OCA2: variants seen among roughly 807,000 people sequenced by gnomAD.
OCA2 encodes P protein.
Under a neutral mutation model 100.2 loss-of-function variants are expected in OCA2, and 77 were observed. That is an observed-to-expected ratio of 0.77 (90% CI 0.64 to 0.93). The LOEUF is 0.93. Among genes scored for constraint, OCA2 ranks in the 40% least tolerant of loss-of-function variants. The pLI, the probability that OCA2 is intolerant of heterozygous loss-of-function variation, is 0.00. For synonymous variants in OCA2, 432 were observed against 439.2 expected, an observed-to-expected ratio of 0.98 and a Z score of 0.21; for missense variants, 1,062 against 1,089.1, an observed-to-expected ratio of 0.98 and a Z score of 0.35.
At chr15:28,018,232 AAG>A (rs2042464104) in intron 7 of OCA2, among the ~76,000 whole-genome samples, 163 bp downstream of exon 7, 1 of 152,240 alleles carries the variant, frequency 6.6e-6, no homozygotes, top group Admixed American at 6.5e-5. Context: ...AAATGGTAAA[AAG>A]AGAATTTCAA....
intron 19 of OCA2, among the ~76,000 whole-genome samples, chr15:27,909,590 G>A (rs2038307536): frequency 1.3e-5 from 2 of 152,166 alleles, no homozygotes; most frequent in African/African-American, 4.8e-5. Context: ...TCAGAAATAG[G>A]ACCAAGGACA....
intron 23 of OCA2, among the ~76,000 whole-genome samples, chr15:27,807,910 C>T (rs959630982): frequency 6.6e-6 from 1 of 152,206 alleles, no homozygotes; most frequent in Non-Finnish European, 1.5e-5. Flanking sequence ...GTCAGCTCCA[C>T]GAGGGCAGGG....
chr15:27,963,833 G>A (rs2040481235), intron 15 of OCA2, among the ~76,000 whole-genome samples: 1 of 151,930 alleles, frequency 6.6e-6, no homozygotes, highest in African/African-American at 2.4e-5. Flanking sequence ...GGTTCTTTGA[G>A]ATCAATAAAA....
chr15:27,920,858 A>G (rs2038831372), intron 19 of OCA2, among the ~76,000 whole-genome samples: 1 of 152,102 alleles, frequency 6.6e-6, no homozygotes, highest in Non-Finnish European at 1.5e-5. Flanking sequence ...ATTAAAATAG[A>G]TCAATAGAAA....
intron 23 of OCA2, among the ~76,000 whole-genome samples, chr15:27,794,254 T>G (rs1306000771): frequency 1.3e-5 from 2 of 152,084 alleles, no homozygotes; most frequent in African/African-American, 4.8e-5. Flanking sequence ...ACAGGGGCCC[T>G]GGTGTGGGTC....
At chr15:27,860,880 G>A (rs2036105469) in intron 21 of OCA2, among the ~76,000 whole-genome samples, 1 of 152,226 alleles carries the variant, frequency 6.6e-6, no homozygotes, top group Non-Finnish European at 1.5e-5. Flanking sequence ...TCAGCAGAGA[G>A]AAGAGCAGTA....
At chr15:27,793,978 TG>T (rs1481112076) in intron 23 of OCA2, among the ~76,000 whole-genome samples, 1 of 152,190 alleles carries the variant, frequency 6.6e-6, no homozygotes, top group Non-Finnish European at 1.5e-5. Flanking sequence ...TTGGTGGGAC[TG>T]TGTGTCACTG....
At chr15:27,880,996 TG>T (rs1429595986) in intron 19 of OCA2, among the ~76,000 whole-genome samples, 4 of 152,228 alleles carry the variant, frequency 2.6e-5, no homozygotes, top group African/African-American at 9.6e-5. Context: ...GCTGTGGGTT[TG>T]TCATAAATGA....
At chr15:27,785,713 C>A (rs141415591) in intron 23 of OCA2, among the ~76,000 whole-genome samples, 1 of 152,258 alleles carries the variant, frequency 6.6e-6, no homozygotes, top group African/African-American at 2.4e-5. Flanking sequence ...CAGGAAATCC[C>A]ATATGTTCCC....
intron 14 of OCA2, among the ~76,000 whole-genome samples, chr15:27,971,571 T>C (rs2040793538): frequency 6.6e-6 from 1 of 152,172 alleles, no homozygotes. Context: ...TGGTGGGTCC[T>C]GGAGGTCCTC....
chr15:27,918,479 G>C (rs2038747998), intron 19 of OCA2, among the ~76,000 whole-genome samples: 3 of 152,306 alleles, frequency 2.0e-5, no homozygotes, highest in African/African-American at 7.2e-5. Context: ...GCATCCCGTA[G>C]TTGTAGTCAG....
At chr15:27,908,321 A>C (rs1349835698) in intron 19 of OCA2, among the ~76,000 whole-genome samples, 1 of 152,202 alleles carries the variant, frequency 6.6e-6, no homozygotes, top group Non-Finnish European at 1.5e-5. Flanking sequence ...ATCTTTGTCA[A>C]ATTTCAACAC....
chr15:27,951,843 C>G lies in OCA2; in HGVS notation c.1892G>C (p.Gly631Ala), dbSNP rs946624305. 7.4e-6 allele frequency: 12 copies of G among 1,613,950 alleles called. No homozygotes were observed. The highest frequency in any genetic ancestry group is 1.0e-5 in the Non-Finnish European group (12 of 1,179,956). ...GAGGAAAAACATGAAGATAACAAAT[C>G]CCAACACTGTCAGGCATTTGGCGAG... is the stretch of plus-strand genomic sequence containing the variant. ...ILLAKCLTVLGFVIFMFFLNS... is the reference protein window; with the variant it reads ...ILLAKCLTVLAFVIFMFFLNS... The change falls in exon 18 of 24, where the codon GGA (glycine) becomes GCA (alanine). Residue 631 changes from glycine (G) to alanine (A), a missense_variant. By Grantham distance (60) the Gly-to-Ala change is moderately conservative (BLOSUM62 0). Transcript: ENST00000354638.
At chr15:27,766,320 T>C (rs527666603) in intron 23 of OCA2, among the ~76,000 whole-genome samples, 1 of 152,332 alleles carries the variant, frequency 6.6e-6, no homozygotes, top group Non-Finnish European at 1.5e-5. Context: ...GTTCTACTCA[T>C]GGCACTGAAG....
chr15:27,983,647 AC>A (rs2041245847), intron 13 of OCA2, among the ~76,000 whole-genome samples, 164 bp from the exon 14 acceptor site: 2 of 151,534 alleles, frequency 1.3e-5, no homozygotes, highest in East Asian at 1.9e-4. Flanking sequence ...AACTGCAACA[AC>A]CCCCGCAGGC....
At chr15:27,933,194 A>G (rs1308555566) in intron 18 of OCA2, among the ~76,000 whole-genome samples, 1 of 152,254 alleles carries the variant, frequency 6.6e-6, no homozygotes, top group Non-Finnish European at 1.5e-5. Flanking sequence ...TTAGAGACCT[A>G]AACATAAAGT....
At chr15:28,058,873 G>T (rs1320374112) in intron 2 of OCA2, among the ~76,000 whole-genome samples, 2 of 152,168 alleles carry the variant, frequency 1.3e-5, no homozygotes, top group Admixed American at 6.5e-5. Flanking sequence ...GCGCTGGGGT[G>T]CAAGCCTGTG....
chr15:28,087,457 T>C (rs1217641245), intron 1 of OCA2, among the ~76,000 whole-genome samples: 1 of 151,982 alleles, frequency 6.6e-6, no homozygotes, highest in East Asian at 1.9e-4. Flanking sequence ...TAAAAGAATA[T>C]AGGTAAGGAG....
Position 27,851,428 on chromosome 15 carries a change from G to A in OCA2, c.2292C>T (p.Pro764=), listed in dbSNP as rs748737226. ...CCAGGGCATACATGAGCGGCGGTGCGGGCAGGCCAACCTCAGGGTCGTGGC... is the reference window on the plus strand; with the variant it reads ...CCAGGGCATACATGAGCGGCGGTGCAGGCAGGCCAACCTCAGGGTCGTGGC... ...NLSHDPEVGL[P]APPLMYALAF... is the part of the protein sequence containing the mutation. The change falls in exon 22 of 24, where the codon CCC becomes CCT. Residue 764 remains proline, a synonymous_variant. Transcript: ENST00000354638. 20 of 1,613,814 alleles carry A rather than the reference G, an allele frequency of 1.2e-5. No homozygotes were observed. The highest frequency in any genetic ancestry group is 6.6e-5 in the South Asian group (6 of 90,990).
Sources: allele counts gnomAD v4.1 joint callset (sites outside exome capture counted in the v4.1 genomes callset), GRCh38; gene constraint gnomAD v4.1.1; transcripts MANE v1.5; gene names NCBI Gene and HGNC (gene_info 2026-07-23, HGNC 2026-07-21).